The following ADCYAP1R1 variants were observed in gnomAD, a reference collection of about 807,000 sequenced individuals.
ADCYAP1R1 encodes pituitary adenylate cyclase-activating polypeptide type I receptor.
ADCYAP1R1 carries 44 observed loss-of-function variants against 67.6 expected under a neutral mutation model. The ratio of observed to expected loss-of-function variants is 0.65; its 90% CI spans 0.51 to 0.84. ADCYAP1R1 has a LOEUF of 0.84. Ranked by LOEUF, ADCYAP1R1 falls within the 40% of genes least tolerant of loss-of-function variation. The pLI is 0.00. For synonymous variants in ADCYAP1R1, 222 were observed against 219.6 expected (o/e 1.01, Z -0.10); for missense variants, 477 against 587.9 (o/e 0.81, Z 1.95).
intron 13 of ADCYAP1R1, 90 bp downstream of exon 13, chr7:31,092,825 C>A: frequency 2.3e-6 from 2 of 880,646 alleles, no homozygotes; most frequent in Non-Finnish European, 1.8e-6. Context: ...CTGGGCTTTG[C>A]TGATAGGGTG....
At chr7:31,087,258 G>C (rs1165729773) in intron 11 of ADCYAP1R1, among the ~76,000 whole-genome samples, 1 of 152,220 alleles carries the variant, frequency 6.6e-6, no homozygotes, top group Non-Finnish European at 1.5e-5. Context: ...ACTCAGCTGA[G>C]TGTCTGTTTT....
intron 12 of ADCYAP1R1, 27 bp downstream of exon 12, chr7:31,087,723 G>A (rs1795809877): frequency 6.2e-7 from 1 of 1,602,826 alleles, no homozygotes; most frequent in African/African-American, 1.3e-5. Context: ...TGAAGAGGAA[G>A]GGAAGAGACA....
intron 3 of ADCYAP1R1, among the ~76,000 whole-genome samples, chr7:31,067,227 A>T (rs2041571): frequency 1.3e-5 from 2 of 151,980 alleles, no homozygotes; most frequent in Admixed American, 1.3e-4. Flanking sequence ...TAAGGAGAGG[A>T]TCCCTCATCT....
chr7:31,088,350 A>G (rs1795836782), intron 12 of ADCYAP1R1, among the ~76,000 whole-genome samples: 2 of 152,340 alleles, frequency 1.3e-5, no homozygotes, highest in South Asian at 4.1e-4. Context: ...CCATTTCTGC[A>G]TAGCATTTAT....
At chr7:31,105,744 G>T (rs1178205553) in intron 15 of ADCYAP1R1, among the ~76,000 whole-genome samples, 1 of 152,224 alleles carries the variant, frequency 6.6e-6, no homozygotes, top group Non-Finnish European at 1.5e-5. Flanking sequence ...GGGCCCTGCA[G>T]GTAGTGGCCA....
chr7:31,106,345 G>A, intron 15 of ADCYAP1R1, 151 bp from the exon 16 acceptor site: 1 of 924,736 alleles, frequency 1.1e-6, no homozygotes, highest in African/African-American at 1.7e-5. Context: ...AGCCCCCACT[G>A]GAGACCTTGA....
intron 11 of ADCYAP1R1, among the ~76,000 whole-genome samples, chr7:31,087,289 G>A (rs370802396): frequency 6.6e-6 from 1 of 152,172 alleles, no homozygotes; most frequent in African/African-American, 2.4e-5. Context: ...AGGGGATGAA[G>A]CATGTTGAGG....
At chr7:31,084,926 C>T in intron 8 of ADCYAP1R1, 92 bp downstream of exon 8, 1 of 1,181,574 alleles carries the variant, frequency 8.5e-7, no homozygotes, top group South Asian at 1.2e-5. Context: ...TTGATGTCAG[C>T]CCTAGAAGAC....
rs545191149 is a variant in ADCYAP1R1 at position 31,084,068 on chromosome 7, G to C, written c.329-73G>C. The C allele has an allele frequency of 5.9e-6, 8 of 1,345,244 alleles. No individual in the cohort carries two copies. The East Asian group carries it at 6.9e-5, about 12-fold the overall frequency. 83.3% of individuals were successfully genotyped at this position (1,345,244 alleles called of 1,614,324 possible). The stretch of plus-strand genomic sequence containing the variant: ...GTTTCCAGGAATTCCCACTGAATAC[G>C]TAATTTTTGCATAAGAATTTCAGGG... On this transcript the variant is annotated intron_variant, in intron 6 of 15. Coordinates refer to ENST00000304166, the MANE Select transcript of ADCYAP1R1 (RefSeq NM_001118.5).
intron 1 of ADCYAP1R1, among the ~76,000 whole-genome samples, chr7:31,061,566 C>A (rs890525739): frequency 6.6e-6 from 1 of 152,170 alleles, no homozygotes. Context: ...GGAGGCTGGG[C>A]CAGTGTTGCC....
intron 1 of ADCYAP1R1, among the ~76,000 whole-genome samples, chr7:31,055,034 G>A (rs143844132): frequency 1.1e-3 from 170 of 152,250 alleles, no homozygotes; most frequent in Admixed American, 3.0e-3. Flanking sequence ...CCTCAGCTGC[G>A]ACGTGTTTGT....
rs954524476 is a variant in ADCYAP1R1 at position 31,111,224 on chromosome 7, T to G, written c.*4540T>G. On this transcript the variant is annotated 3_prime_UTR_variant, in exon 16 of 16. Transcript: ENST00000304166. ...TGCACTTGGCTATGTGTGTCTTGTCTGATGTCTGTCTTCTGTAGCTTTGCC... is the reference window on the plus strand; with the variant it reads ...TGCACTTGGCTATGTGTGTCTTGTCGGATGTCTGTCTTCTGTAGCTTTGCC... The G allele has an allele frequency of 1.4e-4, 22 of 152,378 alleles. No homozygotes were observed. The highest frequency in any genetic ancestry group is 5.1e-4 in the African/African-American group (21 of 41,568). 9.4% of individuals were successfully genotyped at this position (152,378 alleles called of 1,614,324 possible).
chr7:31,072,534 A>G (rs917492382), intron 3 of ADCYAP1R1, among the ~76,000 whole-genome samples: 2 of 152,112 alleles, frequency 1.3e-5, no homozygotes, highest in African/African-American at 4.8e-5. Flanking sequence ...CCCTGCTGCC[A>G]TTGCTCCAAA....
At chr7:31,070,740 TA>T (rs1317612794) in intron 3 of ADCYAP1R1, among the ~76,000 whole-genome samples, 1 of 152,224 alleles carries the variant, frequency 6.6e-6, no homozygotes, top group Non-Finnish European at 1.5e-5. Flanking sequence ...CTGGTCATTC[TA>T]AAACTTGAAT....
At chr7:31,064,148 T>G (rs1437043141) in intron 2 of ADCYAP1R1, among the ~76,000 whole-genome samples, 1 of 152,244 alleles carries the variant, frequency 6.6e-6, no homozygotes, top group Admixed American at 6.5e-5. Flanking sequence ...TTAACCTCTC[T>G]GAGCCCCAGT....
chr7:31,082,972 C>G (rs1272920264), intron 6 of ADCYAP1R1, among the ~76,000 whole-genome samples: 2 of 152,270 alleles, frequency 1.3e-5, no homozygotes, highest in African/African-American at 4.8e-5. Flanking sequence ...CTCTTGGCCT[C>G]TGCCTCCCAC....
chr7:31,085,751 A>G (rs1795720734), intron 9 of ADCYAP1R1, among the ~76,000 whole-genome samples: 1 of 152,174 alleles, frequency 6.6e-6, no homozygotes, highest in South Asian at 2.1e-4. Flanking sequence ...TGAAGAGGAA[A>G]CTGATGCTGA....
chr7:31,059,607 G>T (rs1470805773), intron 1 of ADCYAP1R1, among the ~76,000 whole-genome samples: 1 of 152,182 alleles, frequency 6.6e-6, no homozygotes, highest in Non-Finnish European at 1.5e-5. Flanking sequence ...AGCAGCTTGG[G>T]AGAGTCTGGA....
chr7:31,072,606 CA>C (rs1343733611), intron 3 of ADCYAP1R1, among the ~76,000 whole-genome samples: 1 of 152,150 alleles, frequency 6.6e-6, no homozygotes, highest in African/African-American at 2.4e-5. Flanking sequence ...CCCATGTCTG[CA>C]TGTCTGCTAT....
Sources: gnomAD v4.1 joint callset for allele counts (sites outside exome capture counted in the v4.1 genomes callset) on GRCh38, gnomAD v4.1.1 for gene constraint, MANE v1.5 for transcripts, NCBI Gene and HGNC (gene_info 2026-07-23, HGNC 2026-07-21) for gene names.